The following PRKN variants were observed in gnomAD, a reference collection of about 807,000 sequenced individuals.
PRKN encodes E3 ubiquitin-protein ligase parkin.
PRKN carries 56 observed loss-of-function variants against 59.5 expected under a neutral mutation model. The observed-to-expected ratio is 0.94, with a 90% CI of 0.76 to 1.18. PRKN has a LOEUF of 1.18. Ranked by LOEUF, PRKN falls within the 50% of genes most tolerant of loss-of-function variation. The pLI is 0.00. For missense variants in PRKN, 657 were observed against 596.4 expected, an observed-to-expected ratio of 1.10 and a Z score of -1.06; for synonymous variants, 250 against 222.1, an observed-to-expected ratio of 1.13 and a Z score of -1.12.
chr6:161,871,419 G>A (rs1794337836), intron 6 of PRKN, among the ~76,000 whole-genome samples: 1 of 152,048 alleles, frequency 6.6e-6, no homozygotes, highest in South Asian at 2.1e-4. Context: ...TGTTACTATT[G>A]CCTCAGCCAC....
At chr6:162,196,920 A>G (rs186784166) in intron 4 of PRKN, among the ~76,000 whole-genome samples, 2 of 152,342 alleles carry the variant, frequency 1.3e-5, no homozygotes, top group African/African-American at 4.8e-5. Context: ...TAGACTCATG[A>G]TATGAGTGGA....
At chr6:161,740,010 C>G (rs1448847733) in intron 7 of PRKN, among the ~76,000 whole-genome samples, 1 of 152,200 alleles carries the variant, frequency 6.6e-6, no homozygotes, top group Non-Finnish European at 1.5e-5. Context: ...CCAGCTCGTC[C>G]TCCCAAAGTG....
intron 1 of PRKN, among the ~76,000 whole-genome samples, chr6:162,670,102 C>T (rs1254918215): frequency 1.3e-5 from 2 of 152,084 alleles, no homozygotes; most frequent in Admixed American, 6.6e-5. Flanking sequence ...TTAAATATCC[C>T]TTTTGAGTAC....
intron 1 of PRKN, among the ~76,000 whole-genome samples, chr6:162,561,696 T>C (rs961116809): frequency 2.0e-5 from 3 of 152,286 alleles, no homozygotes; most frequent in African/African-American, 7.2e-5. Flanking sequence ...AAATTCAGTG[T>C]TGTCCTGTTA....
In PRKN at chr6:161,360,269, T is replaced by A; in HGVS notation, c.1168-64A>T. On this transcript the variant is annotated intron_variant, in intron 10 of 11. Coordinates refer to ENST00000366898, the MANE Select transcript of PRKN (RefSeq NM_004562.3). The surrounding 1 kb of genome is among the most constrained non-coding windows in gnomAD (Gnocchi z 5.1). ...TCTATTACTGGGATCAGAGTTTATG[T>A]TCCCTGTACGTCGGTACAGGAAATT... The A allele has an allele frequency of 7.8e-7, 1 of 1,274,512 alleles. No homozygotes were observed. Among genetic ancestry groups the A allele is most frequent in the Non-Finnish European group, 1.1e-6 (1 of 869,684 alleles). 79.0% of individuals were successfully genotyped at this position (1,274,512 alleles called of 1,614,324 possible). A position where few individuals can be genotyped will look rare whatever the true frequency, so the allele number is the denominator to read the frequency against.
chr6:162,074,232 A>G (rs1440356844), intron 4 of PRKN, among the ~76,000 whole-genome samples: 1 of 135,276 alleles, frequency 7.4e-6, no homozygotes, highest in Admixed American at 8.1e-5. Flanking sequence ...GAACCAACCC[A>G]AATGTCCAAC....
intron 6 of PRKN, among the ~76,000 whole-genome samples, chr6:161,949,990 G>C (rs1470154611): frequency 6.6e-6 from 1 of 152,224 alleles, no homozygotes; most frequent in Non-Finnish European, 1.5e-5. Context: ...GTGGGAGATT[G>C]GGAAACAGTT....
chr6:161,792,993 C>T (rs1012957861), intron 6 of PRKN, among the ~76,000 whole-genome samples: 1 of 152,104 alleles, frequency 6.6e-6, no homozygotes, highest in African/African-American at 2.4e-5. Context: ...CCAAAGTGCA[C>T]GACTGACAAA....
intron 5 of PRKN, among the ~76,000 whole-genome samples, chr6:162,039,043 C>A (rs557509190): frequency 5.9e-5 from 9 of 151,986 alleles, no homozygotes; most frequent in Admixed American, 5.9e-4. Context: ...GTAGTCCCAG[C>A]GACTCTGGAG....
chr6:162,456,727 T>C (rs995495909), intron 1 of PRKN, among the ~76,000 whole-genome samples: 2 of 152,208 alleles, frequency 1.3e-5, no homozygotes, highest in African/African-American at 4.8e-5. Context: ...CACCAGTCAA[T>C]ACATAACCTT....
intron 4 of PRKN, among the ~76,000 whole-genome samples, chr6:162,121,799 G>A (rs896656895): frequency 7.9e-5 from 12 of 152,170 alleles, no homozygotes; most frequent in Admixed American, 6.6e-4. Context: ...ACTCCTAGGA[G>A]AGAGAATTTT....
intron 6 of PRKN, among the ~76,000 whole-genome samples, chr6:161,855,931 C>T (rs1040688448): frequency 6.6e-6 from 1 of 152,166 alleles, no homozygotes; most frequent in African/African-American, 2.4e-5. Flanking sequence ...AATAGTTTAA[C>T]ATCAGAAAAT....
At chr6:161,875,085 GATATATTATATATAAAGTAT>G (rs1207508222) in intron 6 of PRKN, among the ~76,000 whole-genome samples, 85 of 84,814 alleles carry the variant, frequency 1.0e-3, no homozygotes, top group South Asian at 5.7e-3. Context: ...AAGTATATAT[GATATATTATATATAAAGTAT>G]ATATATTATA....
intron 7 of PRKN, among the ~76,000 whole-genome samples, chr6:161,682,625 C>T (rs530509218): frequency 4.6e-5 from 7 of 152,136 alleles, no homozygotes; most frequent in African/African-American, 1.4e-4. Context: ...TCAGGCACTG[C>T]GTTCAGGAGA....
chr6:161,814,226 A>G (rs1453797732), intron 6 of PRKN, among the ~76,000 whole-genome samples: 1 of 152,192 alleles, frequency 6.6e-6, no homozygotes, highest in Non-Finnish European at 1.5e-5. Context: ...TGCTGTTTCC[A>G]TTCCTGTTAA....
Position 161,359,794 on chromosome 6 carries a change from C to T in PRKN, c.1285+294G>A, listed in dbSNP as rs1454605502. ...AAAACCACAGCTGCCTCCTGACTGC[C>T]ACTTATCCTCAACCACTTTCCATAT... On this transcript the variant is annotated intron_variant, in intron 11 of 11. Transcript: ENST00000366898. This position sits in a 1 kb window ranked among gnomAD's most constrained non-coding sequence, Gnocchi z 5.4. Among the ~76,000 whole-genome samples, 7 of 152,200 alleles carry T rather than the reference C, an allele frequency of 4.6e-5. No homozygotes were observed. Among genetic ancestry groups the T allele is most frequent in the Admixed American group, 4.6e-4 (7 of 15,288 alleles).
intron 2 of PRKN, among the ~76,000 whole-genome samples, chr6:162,305,691 C>T (rs1782190769): frequency 6.6e-6 from 1 of 151,982 alleles, no homozygotes; most frequent in South Asian, 2.1e-4. Flanking sequence ...GCTCTGACTT[C>T]TAGTGTCTCT....
At chr6:161,877,643 T>C (rs1056961600) in intron 6 of PRKN, among the ~76,000 whole-genome samples, 5 of 151,740 alleles carry the variant, frequency 3.3e-5, no homozygotes, top group Admixed American at 2.6e-4. Context: ...TTTTCTTTTG[T>C]ATTTTTAGTA....
At chr6:162,504,259 C>T (rs933009465) in intron 1 of PRKN, among the ~76,000 whole-genome samples, 8 of 152,134 alleles carry the variant, frequency 5.3e-5, no homozygotes, top group Admixed American at 2.6e-4. Flanking sequence ...CTTGCTAATA[C>T]GAGACACGTG....
Sources: allele counts gnomAD v4.1 joint callset (sites outside exome capture counted in the v4.1 genomes callset), GRCh38; gene constraint gnomAD v4.1.1; non-coding constraint Gnocchi (gnomAD v3.1); transcripts MANE v1.5; gene names NCBI Gene and HGNC (gene_info 2026-07-23, HGNC 2026-07-21).